The following IPPK variants were observed in gnomAD, a reference collection of about 807,000 sequenced individuals.
IPPK encodes the protein IPK1 homolog.
IPPK carries 22 observed loss-of-function variants against 64.6 expected under a neutral mutation model. That is an observed-to-expected ratio of 0.34 (90% CI 0.24 to 0.49). The LOEUF (loss-of-function observed/expected upper bound fraction) is 0.49, where lower values mean the gene tolerates loss of function less well. IPPK is among the 20% of genes least tolerant of loss of function. The pLI is 0.99. For missense variants in IPPK, 532 were observed against 630.7 expected (o/e 0.84, Z 1.68); for synonymous variants, 262 against 247.2 (o/e 1.06, Z -0.56).
intron 1 of IPPK, among the ~76,000 whole-genome samples, chr9:92,661,311 G>A (rs1045793384): frequency 1.3e-5 from 2 of 152,242 alleles, no homozygotes; most frequent in Admixed American, 6.5e-5. Flanking sequence ...TCAAGGTCAT[G>A]TGGGGTGAAG....
At chr9:92,663,252 A>G (rs1852524345) in intron 1 of IPPK, among the ~76,000 whole-genome samples, 3 of 152,224 alleles carry the variant, frequency 2.0e-5, no homozygotes, top group Admixed American at 2.0e-4. Flanking sequence ...CTACCTTTAG[A>G]TAACAAACAC....
At chr9:92,669,786 G>A (rs1852688024) in intron 1 of IPPK, 122 bp downstream of exon 1, 1 of 669,028 alleles carries the variant, frequency 1.5e-6, no homozygotes, top group Admixed American at 2.5e-5. Context: ...AGACCGGCCG[G>A]GGAGGAGGAA....
intron 4 of IPPK, among the ~76,000 whole-genome samples, chr9:92,651,159 T>A (rs1229928592): frequency 6.6e-6 from 1 of 152,034 alleles, no homozygotes; most frequent in African/African-American, 2.4e-5. Flanking sequence ...CATTCCTCCC[T>A]GCCCCAGCCA....
chr9:92,638,301 G>A, intron 8 of IPPK, 21 bp from the exon 9 acceptor site: 3 of 1,604,692 alleles, frequency 1.9e-6, no homozygotes, highest in Non-Finnish European at 2.6e-6. Flanking sequence ...GGAAAAGAAA[G>A]AGGGAAACGT....
chr9:92,650,372 A>G lies in IPPK; in HGVS notation c.293-798T>C, dbSNP rs569463352. On this transcript the variant is annotated intron_variant, in intron 4 of 12. Transcript: ENST00000287996. ...AAACAAAAAATAACTTGGTTTATGT[A>G]GGGGGTAGCTTCACGCCTTATGGTA... Among the ~76,000 whole-genome samples, 6 of 152,216 alleles carry G rather than the reference A, an allele frequency of 3.9e-5. No homozygotes were observed. In the South Asian group the frequency reaches 1.2e-3, roughly 32 times the overall value.
chr9:92,622,724 TTTTAA>T (rs1361898454), intron 11 of IPPK, among the ~76,000 whole-genome samples: 1 of 152,154 alleles, frequency 6.6e-6, no homozygotes, highest in Non-Finnish European at 1.5e-5. Flanking sequence ...TTTTTTTAGT[TTTTAA>T]TTTTTGTGGG....
At position 92,656,530 on chromosome 9, in the gene IPPK, G is replaced by C; in HGVS notation, c.151C>G (p.His51Asp). Reference protein sequence around the residue: ...RKKTSEEIFQHLQNIVDFGKN... With the variant: ...RKKTSEEIFQDLQNIVDFGKN... ...CCAAAGTCCACTATGTTCTGCAGGT[G>C]TTGAAATATCTCTTCCGAGGTCTGT... Residue 51 changes from histidine (H) to aspartate (D), a missense_variant, in exon 3 of 13, where the codon CAC becomes GAC. By Grantham distance (81) the His-to-Asp change is moderately conservative (BLOSUM62 -1). Transcript: ENST00000287996. 6.2e-7 allele frequency: 1 copy of C among 1,612,910 alleles called. No homozygotes were observed. The highest frequency in any genetic ancestry group is 8.5e-7 in the Non-Finnish European group (1 of 1,178,874).
At chr9:92,640,849 T>G in intron 7 of IPPK, 67 bp from the exon 8 acceptor site, 1 of 1,100,144 alleles carries the variant, frequency 9.1e-7, no homozygotes, top group Non-Finnish European at 1.4e-6. Context: ...CACACACACC[T>G]GCTCGTGGCT....
chr9:92,651,055 G>C (rs534565997), intron 4 of IPPK, among the ~76,000 whole-genome samples: 7 of 152,032 alleles, frequency 4.6e-5, no homozygotes, highest in African/African-American at 1.5e-4. Context: ...CCCTGGAGCC[G>C]GGCTCAGACT....
chr9:92,621,909 C>G (rs1851643700), intron 11 of IPPK, among the ~76,000 whole-genome samples: 1 of 152,162 alleles, frequency 6.6e-6, no homozygotes, highest in Non-Finnish European at 1.5e-5. Context: ...GACACCAAGG[C>G]TGAACACAGA....
chr9:92,640,829 C>T, intron 7 of IPPK, 47 bp from the exon 8 acceptor site: 1 of 1,305,758 alleles, frequency 7.7e-7, no homozygotes. Context: ...CTGGAACTGA[C>T]CTGTCCCTGC....
At chr9:92,631,478 G>A (rs1017451527) in intron 11 of IPPK, among the ~76,000 whole-genome samples, 12 of 152,168 alleles carry the variant, frequency 7.9e-5, no homozygotes, top group Admixed American at 1.3e-4. Flanking sequence ...TGCCGTACCC[G>A]GCCCACAGGG....
intron 8 of IPPK, 112 bp downstream of exon 8, chr9:92,640,598 G>T: frequency 2.6e-6 from 2 of 775,114 alleles, no homozygotes; most frequent in South Asian, 2.9e-5. Context: ...ACCCCAAAGG[G>T]GATGTCAGAC....
Position 92,636,254 on chromosome 9 carries a change from G to A in IPPK, c.917-946C>T, listed in dbSNP as rs193043395. 5.3e-5 allele frequency among the ~76,000 whole-genome samples: 8 copies of A among 152,338 alleles called. No individual in the cohort carries two copies. The East Asian group carries it at 1.5e-3, about 29-fold the overall frequency. ...GGACCCGGCACGAAAATGCCAACAT[G>A]CAGGGAAACAGGAGTAAAAGTTCAC... On this transcript the variant is annotated intron_variant, in intron 9 of 12. Coordinates refer to ENST00000287996, the MANE Select transcript of IPPK (RefSeq NM_022755.6).
At chr9:92,655,217 G>A (rs1321747949) in intron 3 of IPPK, among the ~76,000 whole-genome samples, 1 of 152,146 alleles carries the variant, frequency 6.6e-6, no homozygotes, top group Non-Finnish European at 1.5e-5. Flanking sequence ...CTAACTCACC[G>A]ACACATCTGT....
At chr9:92,669,543 C>G (rs1393762352) in intron 1 of IPPK, among the ~76,000 whole-genome samples, 3 of 152,216 alleles carry the variant, frequency 2.0e-5, no homozygotes, top group East Asian at 3.9e-4. Flanking sequence ...GCCTGGCAGT[C>G]CGGCGGGCAT....
chr9:92,639,352 A>C (rs747558261), intron 8 of IPPK, among the ~76,000 whole-genome samples: 54 of 152,150 alleles, frequency 3.5e-4, no homozygotes, highest in Non-Finnish European at 5.9e-4. Flanking sequence ...CCTGGCCCAC[A>C]CCTGGAACTT....
intron 7 of IPPK, among the ~76,000 whole-genome samples, chr9:92,642,222 A>G (rs1852064182): frequency 6.6e-6 from 1 of 152,188 alleles, no homozygotes; most frequent in Non-Finnish European, 1.5e-5. Flanking sequence ...CCAGGACCGG[A>G]CTCTGGGCTG....
intron 3 of IPPK, 91 bp downstream of exon 3, chr9:92,656,365 A>G: frequency 1.2e-6 from 1 of 844,838 alleles, no homozygotes; most frequent in Admixed American, 1.7e-5. Flanking sequence ...GCGGGTTATC[A>G]TTAAGCACAA....
Sources: allele counts gnomAD v4.1 joint callset (sites outside exome capture counted in the v4.1 genomes callset), GRCh38; gene constraint gnomAD v4.1.1; transcripts MANE v1.5; gene names NCBI Gene and HGNC (gene_info 2026-07-23, HGNC 2026-07-21).